Variants in TPD52 observed in about 807,000 individuals in gnomAD.
The protein encoded by TPD52 is tumor protein D52, also known as prostate and colon associated protein.
TPD52 carries 17 observed loss-of-function variants against 31.3 expected under a neutral mutation model. The observed-to-expected ratio is 0.54, with a 90% CI of 0.37 to 0.82. The LOEUF (loss-of-function observed/expected upper bound fraction) is 0.82. Among genes scored for constraint, TPD52 ranks in the 40% least tolerant of loss-of-function variants. The probability of loss-of-function intolerance (pLI) is 0.00; values close to 1 mark genes in which losing one functional copy is unlikely to be tolerated. For missense variants in TPD52, 212 were observed against 240.1 expected (o/e 0.88, Z 0.77); for synonymous variants, 83 against 89.6 (o/e 0.93, Z 0.42).
chr8:80,084,326 T>C (rs1277487367), intron 1 of TPD52, among the ~76,000 whole-genome samples: 1 of 152,228 alleles, frequency 6.6e-6, no homozygotes, highest in Non-Finnish European at 1.5e-5. Flanking sequence ...CATCCCCTTG[T>C]TCACAGGGAC....
chr8:80,063,736 G>T (rs1812796755), intron 2 of TPD52, among the ~76,000 whole-genome samples: 1 of 151,922 alleles, frequency 6.6e-6, no homozygotes, highest in South Asian at 2.1e-4. Context: ...GCCAGAGGTT[G>T]CAATGAGCCA....
chr8:80,077,200 G>A (rs1049946654), intron 1 of TPD52, among the ~76,000 whole-genome samples: 16 of 151,724 alleles, frequency 1.1e-4, no homozygotes, highest in African/African-American at 1.7e-4. Context: ...GCTTAAACCC[G>A]GGAAGCAGAG....
Position 80,072,426 on chromosome 8 carries a change from CAT to C in TPD52, c.20-7835_20-7834del, listed in dbSNP as rs780709229. Among the ~76,000 whole-genome samples, 199 of 117,556 alleles carry C rather than the reference CAT, an allele frequency of 1.7e-3. 7 individuals carry two copies. The highest frequency in any genetic ancestry group is 0.016 in the East Asian group (65 of 3,956). The allele number at this position is 117,556 out of a possible 152,430, so 77.1% of individuals were successfully genotyped here. On this transcript the variant is annotated intron_variant, in intron 1 of 7. Transcript: ENST00000518937. ...AGATATGCGTGTATATACATGTACA[CAT>C]AGATATGCGTGTATATACATGTACA...
At chr8:80,136,288 G>A (rs1045564427) in intron 1 of TPD52, among the ~76,000 whole-genome samples, 1 of 151,204 alleles carries the variant, frequency 6.6e-6, no homozygotes, top group African/African-American at 2.4e-5. Context: ...ACTTTGGGAA[G>A]CCGAGACGGG....
intron 1 of TPD52, among the ~76,000 whole-genome samples, chr8:80,071,064 G>C (rs562033885): frequency 2.9e-4 from 44 of 152,234 alleles, no homozygotes; most frequent in African/African-American, 1.0e-3. Context: ...ACAGAACAAG[G>C]AACACCAAGG....
At position 80,036,629 on chromosome 8, in the gene TPD52, A is replaced by G. The variant is rs1809930408; in HGVS notation, c.*1487T>C. On this transcript the variant is annotated 3_prime_UTR_variant, in exon 8 of 8. Transcript: ENST00000518937. ...ATTTATTAAGCTTTTCACATGTGAT[A>G]GCACATAGTTTTAATTGCATCCAAA... is the stretch of plus-strand genomic sequence containing the variant. 6.6e-6 allele frequency: 1 copy of G among 152,670 alleles called. No individual in the cohort carries two copies. The highest frequency in any genetic ancestry group is 2.4e-5 in the African/African-American group (1 of 41,468). The allele number at this position is 152,670 out of a possible 1,614,324, so 9.5% of individuals were successfully genotyped here. A position where few individuals can be genotyped will look rare whatever the true frequency, so the allele number is the denominator to read the frequency against.
At chr8:80,080,799 G>A in intron 1 of TPD52, 1 of 1,001,392 alleles carries the variant, frequency 1.0e-6, no homozygotes, top group Non-Finnish European at 1.2e-6. Flanking sequence ...ATGGCCCAGA[G>A]GTACAAACAG....
chr8:80,032,014 G>A (rs985248001), downstream of TPD52, among the ~76,000 whole-genome samples: 6 of 152,016 alleles, frequency 3.9e-5, no homozygotes, highest in Admixed American at 6.6e-5. Flanking sequence ...TTAGCTGGGC[G>A]TGATGACACA....
intron 1 of TPD52, among the ~76,000 whole-genome samples, chr8:80,144,126 C>A (rs898738447): frequency 2.0e-5 from 3 of 152,100 alleles, no homozygotes; most frequent in African/African-American, 4.8e-5. Flanking sequence ...GAACTTTCAC[C>A]TTCTTCAAAT....
intron 2 of TPD52, among the ~76,000 whole-genome samples, chr8:80,057,352 A>C (rs1013338668): frequency 2.0e-5 from 3 of 152,222 alleles, no homozygotes; most frequent in Non-Finnish European, 4.4e-5. Context: ...TACTGGGTAT[A>C]GAAATTGTTC....
At chr8:80,032,641 ACACTGC>A (rs1258794706), downstream of TPD52, 1 of 152,282 alleles carries the variant, frequency 6.6e-6, no homozygotes, top group Non-Finnish European at 1.5e-5. Context: ...TAAAATGGTG[ACACTGC>A]CACATGCCTG....
intron 1 of TPD52, among the ~76,000 whole-genome samples, chr8:80,129,965 T>C (rs1429065272): frequency 1.3e-5 from 2 of 152,232 alleles, no homozygotes; most frequent in Non-Finnish European, 2.9e-5. Context: ...CCCAAAGTGC[T>C]GGGATTACAG....
At chr8:80,126,957 T>C (rs1328241641) in intron 1 of TPD52, among the ~76,000 whole-genome samples, 1 of 151,988 alleles carries the variant, frequency 6.6e-6, no homozygotes, top group Non-Finnish European at 1.5e-5. Flanking sequence ...AAAAATTTTT[T>C]AAACAGCCAG....
chr8:80,141,117 T>G (rs539871140), intron 1 of TPD52, among the ~76,000 whole-genome samples: 24 of 152,272 alleles, frequency 1.6e-4, no homozygotes, highest in African/African-American at 4.8e-4. Flanking sequence ...ACTCCACTAC[T>G]AGACTAAGCT....
At chr8:80,121,338 C>CATGA (rs1808243803) in intron 1 of TPD52, among the ~76,000 whole-genome samples, 1 of 152,120 alleles carries the variant, frequency 6.6e-6, no homozygotes, top group Non-Finnish European at 1.5e-5. Context: ...CCCCAGTAAA[C>CATGA]ATGAAAGTGA....
At chr8:80,108,418 A>G (rs1015255554) in intron 1 of TPD52, among the ~76,000 whole-genome samples, 36 of 152,276 alleles carry the variant, frequency 2.4e-4, no homozygotes, top group African/African-American at 7.7e-4. Context: ...AAATAACCAG[A>G]TTTTTTTGTC....
At chr8:80,128,190 T>C (rs1808764813) in intron 1 of TPD52, among the ~76,000 whole-genome samples, 1 of 152,112 alleles carries the variant, frequency 6.6e-6, no homozygotes, top group Non-Finnish European at 1.5e-5. Context: ...TCTGTTCATT[T>C]TGTATATTTT....
chr8:80,101,265 T>G (rs927679815), intron 1 of TPD52, among the ~76,000 whole-genome samples: 2 of 152,090 alleles, frequency 1.3e-5, no homozygotes, highest in Admixed American at 6.5e-5. Flanking sequence ...CTGACCAACA[T>G]GGTGAAACCC....
chr8:80,162,490 T>C (rs1387555918), intron 1 of TPD52, among the ~76,000 whole-genome samples: 1 of 152,022 alleles, frequency 6.6e-6, no homozygotes, highest in African/African-American at 2.4e-5. Flanking sequence ...ATAAGCTCTG[T>C]AATTTTTTTT....
Sources: allele counts gnomAD v4.1 joint callset (sites outside exome capture counted in the v4.1 genomes callset), GRCh38; gene constraint gnomAD v4.1.1; transcripts MANE v1.5; gene names NCBI Gene and HGNC (gene_info 2026-07-23, HGNC 2026-07-21).